Variants in PNPLA7 observed in about 807,000 individuals in gnomAD.
PNPLA7 encodes the protein patatin-like phospholipase domain-containing protein 7.
PNPLA7 carries 153 observed loss-of-function variants against 161.7 expected under a neutral mutation model. That is an observed-to-expected ratio of 0.95 (90% CI 0.83 to 1.08). PNPLA7 has a LOEUF of 1.08. PNPLA7 is among the 50% of genes least tolerant of loss of function. The pLI is 0.00. For synonymous variants in PNPLA7, 809 were observed against 782.1 expected, an observed-to-expected ratio of 1.03 and a Z score of -0.57; for missense variants, 1,739 against 1,856.6, an observed-to-expected ratio of 0.94 and a Z score of 1.16.
chr9:137,536,631 G>A (rs1476484681), intron 8 of PNPLA7, among the ~76,000 whole-genome samples: 1 of 152,152 alleles, frequency 6.6e-6, no homozygotes, highest in Non-Finnish European at 1.5e-5. Flanking sequence ...TTGCAAGAAA[G>A]GAAATTTAAC....
chr9:137,467,893 G>A lies in PNPLA7; in HGVS notation c.2883-420C>T, dbSNP rs1183653460. On this transcript the variant is annotated intron_variant, in intron 25 of 34. Transcript: ENST00000406427. The surrounding 1 kb of genome is among the most constrained non-coding windows in gnomAD (Gnocchi z 5.1). ...AGCCTGGGAGACAGAGTGAGACTCT[G>A]ACTCAAAATAAATAAATAAATAAAT... Among the ~76,000 whole-genome samples the A allele has an allele frequency of 6.6e-6, 1 of 152,082 alleles. No homozygotes were observed. The highest frequency in any genetic ancestry group is 2.4e-5 in the African/African-American group (1 of 41,396).
At chr9:137,510,006 A>G (rs1017923240) in intron 12 of PNPLA7, among the ~76,000 whole-genome samples, 1 of 152,176 alleles carries the variant, frequency 6.6e-6, no homozygotes, top group Non-Finnish European at 1.5e-5. Flanking sequence ...TGAGGGGACA[A>G]AGTGAAGAGT....
chr9:137,525,473 C>T (rs1249626740), intron 8 of PNPLA7, among the ~76,000 whole-genome samples: 5 of 152,174 alleles, frequency 3.3e-5, no homozygotes, highest in Non-Finnish European at 2.9e-5. Context: ...TCCAGCGATA[C>T]GTAAGGTCAC....
At chr9:137,522,305 AC>A in intron 9 of PNPLA7, among the ~76,000 whole-genome samples, 1 of 150,200 alleles carries the variant, frequency 6.7e-6, no homozygotes, top group Non-Finnish European at 1.5e-5. Flanking sequence ...CGATCTCCTG[AC>A]CTCGTGATCC....
At chr9:137,548,416 C>T (rs890504606) in intron 1 of PNPLA7, among the ~76,000 whole-genome samples, 13 of 152,198 alleles carry the variant, frequency 8.5e-5, no homozygotes, top group African/African-American at 2.9e-4. Context: ...CACCCACCCC[C>T]GCCTCACTGC....
In PNPLA7 at chr9:137,466,561, G is replaced by A. The variant is rs186954414; in HGVS notation, c.3039+756C>T. 1.1e-4 allele frequency among the ~76,000 whole-genome samples: 17 copies of A among 149,652 alleles called. No individual in the cohort carries two copies. The East Asian group carries it at 2.0e-3, about 18-fold the overall frequency. The stretch of plus-strand genomic sequence containing the variant: ...CACCATCTCCACCATCTCAGACCCC[G>A]GCACGGATCAGACCACTTCCCACCA... On this transcript the variant is annotated intron_variant, in intron 26 of 34. Coordinates refer to ENST00000406427, the MANE Select transcript of PNPLA7 (RefSeq NM_001098537.3).
chr9:137,520,801 C>T lies in PNPLA7; in HGVS notation c.958-758G>A, dbSNP rs1239184718. Reference sequence around the variant, plus strand: ...TGACAGCCTTGTGCCCTTGACAATGCGCTGTACCCTCCAAACGCGTCACAG... The same window carrying T: ...TGACAGCCTTGTGCCCTTGACAATGTGCTGTACCCTCCAAACGCGTCACAG... On this transcript the variant is annotated intron_variant, in intron 10 of 34. Transcript: ENST00000406427. This position sits in a 1 kb window ranked among gnomAD's most constrained non-coding sequence, Gnocchi z 5.2. Among the ~76,000 whole-genome samples, 2 of 152,226 alleles carry T rather than the reference C, an allele frequency of 1.3e-5. No individual in the cohort carries two copies. Among genetic ancestry groups the T allele is most frequent in the Admixed American group, 6.5e-5 (1 of 15,276 alleles).
intron 8 of PNPLA7, among the ~76,000 whole-genome samples, chr9:137,536,933 C>G (rs895204367): frequency 2.0e-5 from 3 of 149,742 alleles, no homozygotes; most frequent in African/African-American, 7.4e-5. Context: ...GGGGGCCATC[C>G]TCCGAGCCAC....
At chr9:137,485,299 G>T (rs188133847) in intron 20 of PNPLA7, among the ~76,000 whole-genome samples, 3 of 152,058 alleles carry the variant, frequency 2.0e-5, no homozygotes, top group African/African-American at 7.3e-5. Flanking sequence ...CTGCAGGTGA[G>T]GCCTCATCGG....
intron 19 of PNPLA7, among the ~76,000 whole-genome samples, chr9:137,494,465 T>C (rs1244410544): frequency 6.6e-6 from 1 of 152,166 alleles, no homozygotes; most frequent in African/African-American, 2.4e-5. Context: ...TTTCCATCCA[T>C]GTGTAGGTAG....
chr9:137,460,785 C>T (rs373694410), intron 33 of PNPLA7, 48 bp from the exon 34 acceptor site: 48 of 1,525,654 alleles, frequency 3.1e-5, no homozygotes, highest in African/African-American at 9.6e-5. Flanking sequence ...AGGAAGGGAC[C>T]GTACCCAGCA....
intron 21 of PNPLA7, among the ~76,000 whole-genome samples, chr9:137,484,082 C>T (rs1377230538): frequency 3.3e-5 from 5 of 151,294 alleles, no homozygotes; most frequent in Middle Eastern, 3.2e-3. Context: ...ATTACAGATG[C>T]GCACCACCAC....
At chr9:137,485,842 G>A (rs1194611397) in intron 20 of PNPLA7, among the ~76,000 whole-genome samples, 4 of 152,154 alleles carry the variant, frequency 2.6e-5, no homozygotes, top group South Asian at 2.1e-4. Flanking sequence ...GGGGCCCCTC[G>A]GCCAGCACAG....
chr9:137,534,420 G>A (rs937587471), intron 8 of PNPLA7, among the ~76,000 whole-genome samples: 1 of 138,256 alleles, frequency 7.2e-6, no homozygotes, highest in African/African-American at 2.8e-5. Context: ...CTCCAGATGG[G>A]AGCACTCCCA....
chr9:137,461,423 TG>T (rs1831188623), intron 33 of PNPLA7, 112 bp downstream of exon 33: 1 of 1,075,508 alleles, frequency 9.3e-7, no homozygotes, highest in South Asian at 1.6e-5. Flanking sequence ...AGCCTGGGCG[TG>T]GACGTGGGCG....
In PNPLA7 at chr9:137,484,831, C is replaced by T. The variant is rs572584571; in HGVS notation, c.2198-95G>A. On this transcript the variant is annotated intron_variant, in intron 20 of 34. Coordinates refer to ENST00000406427, the MANE Select transcript of PNPLA7 (RefSeq NM_001098537.3). ...GCCCCCCGAGGCTGCACAGGAGCAA[C>T]GCAGCAGCACCAGAGGCCGCCTGGC... 1.1e-4 allele frequency: 160 copies of T among 1,415,412 alleles called. 1 individual carries two copies. Among genetic ancestry groups the T allele is most frequent in the East Asian group, 1.1e-3 (43 of 39,102 alleles). 87.7% of individuals were successfully genotyped at this position (1,415,412 alleles called of 1,614,324 possible). A position where few individuals can be genotyped will look rare whatever the true frequency, so the allele number is the denominator to read the frequency against.
At chr9:137,514,404 G>C (rs964370789) in intron 12 of PNPLA7, among the ~76,000 whole-genome samples, 1 of 136,792 alleles carries the variant, frequency 7.3e-6, no homozygotes, top group African/African-American at 2.9e-5. Flanking sequence ...GCTGCAGGCG[G>C]GTCACTCGGA....
chr9:137,467,358 TC>T lies in PNPLA7; in HGVS notation c.2997del (p.Asn1000ThrfsTer16). The T allele has an allele frequency of 6.2e-7, 1 of 1,613,586 alleles. No homozygotes were observed. The highest frequency in any genetic ancestry group is 1.7e-4 in the Middle Eastern group (1 of 6,060). On this transcript the variant is annotated frameshift_variant, in exon 26 of 35. Coordinates refer to ENST00000406427, the MANE Select transcript of PNPLA7 (RefSeq NM_001098537.3). LOFTEE classifies it high-confidence loss of function. This position sits in a 1 kb window ranked among gnomAD's most constrained non-coding sequence, Gnocchi z 5.1. ...AFVGALYSEE[R>X]NYSQMRIRAK... ...GCCCGGATCCGCATCTGGCTGTAGT[TC>T]CGCTCCTCAGAGTACAGGGCACCCA...
rs1033200710 is a variant in PNPLA7 at position 137,478,023 on chromosome 9, G to A, written c.2882+11C>T. The A allele has an allele frequency of 7.1e-7, 1 of 1,416,054 alleles. No individual in the cohort carries two copies. Among genetic ancestry groups the A allele is most frequent in the Non-Finnish European group, 9.3e-7 (1 of 1,080,180 alleles). The allele number at this position is 1,416,054 out of a possible 1,614,324, so 87.7% of individuals were successfully genotyped here. A position where few individuals can be genotyped will look rare whatever the true frequency, so the allele number is the denominator to read the frequency against. ...ACCAGTGAGGAGTGTGTAGGAAGCG[G>A]GGGGACTCACCTTGCTCCCCCTCCC... On this transcript the variant is annotated intron_variant, in intron 25 of 34. Coordinates refer to ENST00000406427, the MANE Select transcript of PNPLA7 (RefSeq NM_001098537.3).
Sources: allele counts gnomAD v4.1 joint callset (sites outside exome capture counted in the v4.1 genomes callset), GRCh38; gene constraint gnomAD v4.1.1; non-coding constraint Gnocchi (gnomAD v3.1); transcripts MANE v1.5; gene names NCBI Gene and HGNC (gene_info 2026-07-23, HGNC 2026-07-21).